The following SLC25A13 variants were observed in gnomAD, a reference collection of about 807,000 sequenced individuals.
SLC25A13 encodes electrogenic aspartate/glutamate antiporter SLC25A13, mitochondrial.
In SLC25A13, 70 loss-of-function variants were observed where a neutral mutation model predicts 85.5. The ratio of observed to expected loss-of-function variants is 0.82; its 90% CI spans 0.68 to 1.00. The LOEUF is 1.00. SLC25A13 is among the 50% of genes least tolerant of loss of function. The probability of loss-of-function intolerance (pLI) is 0.00; values close to 1 mark genes in which losing one functional copy is unlikely to be tolerated. For synonymous variants in SLC25A13, 259 were observed against 288.7 expected, an observed-to-expected ratio of 0.90 and a Z score of 1.04; for missense variants, 765 against 819.8, an observed-to-expected ratio of 0.93 and a Z score of 0.82.
intron 13 of SLC25A13, among the ~76,000 whole-genome samples, chr7:96,164,977 A>G (rs1270907160): frequency 6.6e-6 from 1 of 152,136 alleles, no homozygotes; most frequent in African/African-American, 2.4e-5. Flanking sequence ...CCATTATCAG[A>G]TTTGTCGTTG....
chr7:96,188,800 G>C (rs182749287), intron 9 of SLC25A13, among the ~76,000 whole-genome samples: 79 of 152,292 alleles, frequency 5.2e-4, no homozygotes, highest in Non-Finnish European at 9.6e-4. Context: ...AAATAGGTCT[G>C]AAAGCCTTTA....
intron 2 of SLC25A13, among the ~76,000 whole-genome samples, chr7:96,290,395 AT>A (rs1799070831): frequency 6.6e-6 from 1 of 152,196 alleles, no homozygotes; most frequent in Non-Finnish European, 1.5e-5. Context: ...AGCTAACATC[AT>A]AAAGACAGGA....
intron 3 of SLC25A13, among the ~76,000 whole-genome samples, chr7:96,244,998 C>G (rs1049593807): frequency 6.6e-6 from 1 of 152,062 alleles, no homozygotes; most frequent in Non-Finnish European, 1.5e-5. Flanking sequence ...GTGAGCTTAA[C>G]TCAGTAAGTG....
intron 3 of SLC25A13, among the ~76,000 whole-genome samples, chr7:96,238,214 T>C (rs187613785): frequency 1.8e-4 from 28 of 152,088 alleles, no homozygotes; most frequent in Non-Finnish European, 3.2e-4. Flanking sequence ...CAAGTAAAGA[T>C]GAACATAGAG....
chr7:96,135,653 T>A (rs1183423982), intron 14 of SLC25A13, among the ~76,000 whole-genome samples: 1 of 152,226 alleles, frequency 6.6e-6, no homozygotes, highest in Non-Finnish European at 1.5e-5. Context: ...GTTCCATGTA[T>A]AATTTTTACC....
chr7:96,205,984 C>G (rs1795446039), intron 5 of SLC25A13, among the ~76,000 whole-genome samples: 1 of 151,890 alleles, frequency 6.6e-6, no homozygotes, highest in Non-Finnish European at 1.5e-5. Flanking sequence ...TGCACTGCCC[C>G]ACCAATCACA....
Position 96,183,215 on chromosome 7 carries a change from A to G in SLC25A13, c.1177+1062T>C, listed in dbSNP as rs1385736720. ...GGGGGCTACCTACCTACACAATAGGACCTGCAAAATGGAACTTCTCTGGAG... is the reference window on the plus strand; with the variant it reads ...GGGGGCTACCTACCTACACAATAGGGCCTGCAAAATGGAACTTCTCTGGAG... On this transcript the variant is annotated intron_variant, in intron 11 of 17. Transcript: ENST00000265631. 2.6e-5 allele frequency among the ~76,000 whole-genome samples: 4 copies of G among 152,210 alleles called. No homozygotes were observed. The East Asian group carries it at 7.7e-4, about 29-fold the overall frequency.
chr7:96,297,711 A>G (rs1799398314), intron 1 of SLC25A13, among the ~76,000 whole-genome samples: 1 of 152,160 alleles, frequency 6.6e-6, no homozygotes. Flanking sequence ...TCACAGTTTC[A>G]CCATGAACAG....
chr7:96,292,717 T>C (rs1799174552), intron 2 of SLC25A13, among the ~76,000 whole-genome samples: 2 of 152,144 alleles, frequency 1.3e-5, no homozygotes, highest in Non-Finnish European at 2.9e-5. Context: ...GAATCTAACT[T>C]ACAAGGGATG....
rs1415795866 is a variant in SLC25A13, at chr7:96,170,037, G to C, written c.1311+8C>G. The stretch of plus-strand genomic sequence containing the variant: ...TTTTCAATGAAGAGAGCTTCAAAAG[G>C]TACTTACGCAGCCTCCAGCAAGAAT... On this transcript the variant is annotated splice_region_variant and intron_variant, in intron 13 of 17. Transcript: ENST00000265631. 2 of 1,613,562 alleles carry C rather than the reference G, an allele frequency of 1.2e-6. No individual in the cohort carries two copies. The highest frequency in any genetic ancestry group is 3.3e-5 in the Admixed American group (2 of 59,998).
intron 13 of SLC25A13, among the ~76,000 whole-genome samples, chr7:96,150,686 C>T (rs1057208264): frequency 6.6e-6 from 1 of 152,124 alleles, no homozygotes; most frequent in African/African-American, 2.4e-5. Flanking sequence ...AGAGAAGACA[C>T]AGGGAAAAAG....
chr7:96,295,745 A>G (rs1351761532), intron 2 of SLC25A13, among the ~76,000 whole-genome samples: 3 of 152,120 alleles, frequency 2.0e-5, no homozygotes, highest in Non-Finnish European at 2.9e-5. Context: ...CATATTCAGT[A>G]CACATCAAAT....
chr7:96,130,799 T>C (rs929301622), intron 15 of SLC25A13, among the ~76,000 whole-genome samples: 3 of 152,170 alleles, frequency 2.0e-5, no homozygotes, highest in Non-Finnish European at 4.4e-5. Flanking sequence ...AGCCCTGCCT[T>C]ATATACCAAT....
At chr7:96,168,273 G>T (rs989710688) in intron 13 of SLC25A13, among the ~76,000 whole-genome samples, 1 of 151,910 alleles carries the variant, frequency 6.6e-6, no homozygotes, top group South Asian at 2.1e-4. Flanking sequence ...GTAATGATTG[G>T]GGGGGAAAAA....
chr7:96,210,281 AAAGTAC>A (rs1448020895), intron 4 of SLC25A13, among the ~76,000 whole-genome samples: 2 of 152,242 alleles, frequency 1.3e-5, no homozygotes, highest in African/African-American at 4.8e-5. Flanking sequence ...TAAAAGTTTT[AAAGTAC>A]AAGTACTGAA....
At chr7:96,312,717 TG>T (rs1372289336) in intron 1 of SLC25A13, among the ~76,000 whole-genome samples, 1 of 152,168 alleles carries the variant, frequency 6.6e-6, no homozygotes, top group African/African-American at 2.4e-5. Flanking sequence ...GCTATTATCA[TG>T]GCAACAAGAG....
At chr7:96,177,537 C>T (rs1378721623) in intron 11 of SLC25A13, among the ~76,000 whole-genome samples, 1 of 152,118 alleles carries the variant, frequency 6.6e-6, no homozygotes, top group African/African-American at 2.4e-5. Flanking sequence ...GGACAAGTTA[C>T]CTAATCTCTT....
At chr7:96,284,355 T>C (rs914749069) in intron 2 of SLC25A13, among the ~76,000 whole-genome samples, 7 of 152,228 alleles carry the variant, frequency 4.6e-5, no homozygotes, top group African/African-American at 1.7e-4. Context: ...ATTGATGTGA[T>C]AAAAAGTTTC....
rs139216267 is a variant in SLC25A13 at position 96,271,569 on chromosome 7, C to T, written c.212+5627G>A. 1.8e-3 allele frequency among the ~76,000 whole-genome samples: 270 copies of T among 152,232 alleles called. 1 individual carries two copies. In the Middle Eastern group the frequency reaches 0.027, roughly 15 times the overall value. ...CTGAAAAGGCCAAGGAATTTAAAAC[C>T]TGACAGGCCTGAGCACCTTTTAGCT... On this transcript the variant is annotated intron_variant, in intron 3 of 17. Coordinates refer to ENST00000265631, the MANE Select transcript of SLC25A13 (RefSeq NM_014251.3).
Sources: allele counts gnomAD v4.1 joint callset (sites outside exome capture counted in the v4.1 genomes callset), GRCh38; gene constraint gnomAD v4.1.1; transcripts MANE v1.5; gene names NCBI Gene and HGNC (gene_info 2026-07-23, HGNC 2026-07-21).